Variants in ZNF662 observed in about 807,000 individuals in gnomAD.
ZNF662 encodes zinc finger protein 662.
A neutral mutation model predicts 12.4 loss-of-function variants in ZNF662; 14 were observed. The ratio of observed to expected loss-of-function variants is 1.13; its 90% CI spans 0.75 to 1.77. The LOEUF (loss-of-function observed/expected upper bound fraction) is 1.77, where lower values mean the gene tolerates loss of function less well. Among genes scored for constraint, ZNF662 ranks in the 40% most tolerant of loss-of-function variants. The probability of loss-of-function intolerance (pLI) is 0.00; values close to 1 mark genes in which losing one functional copy is unlikely to be tolerated. For missense variants in ZNF662, 550 were observed against 515.6 expected, an observed-to-expected ratio of 1.07 and a Z score of -0.65; for synonymous variants, 184 against 176.4, an observed-to-expected ratio of 1.04 and a Z score of -0.34.
chr3:42,913,725 T>C (rs1484189100), intron 4 of ZNF662, among the ~76,000 whole-genome samples: 1 of 152,192 alleles, frequency 6.6e-6, no homozygotes, highest in Non-Finnish European at 1.5e-5. Context: ...ATGATGAAAC[T>C]GTAACAGAAT....
chr3:42,906,244 C>T lies in ZNF662; in HGVS notation c.-94+76C>T. ...GTCTTACTCCGGTGGCTGCAGGGCGCAGGGTAGCCGTGTCAGGCCTGCCCA... is the reference window on the plus strand; with the variant it reads ...GTCTTACTCCGGTGGCTGCAGGGCGTAGGGTAGCCGTGTCAGGCCTGCCCA... On this transcript the variant is annotated intron_variant, in intron 1 of 4. Coordinates refer to ENST00000440367, the MANE Select transcript of ZNF662 (RefSeq NM_207404.4). The surrounding 1 kb of genome is among the most constrained non-coding windows in gnomAD (Gnocchi z 4.4). The T allele has an allele frequency of 9.8e-7, 1 of 1,015,878 alleles. No homozygotes were observed. 62.9% of individuals were successfully genotyped at this position (1,015,878 alleles called of 1,614,324 possible).
At chr3:42,907,260 C>A (rs1232328001) in intron 1 of ZNF662, among the ~76,000 whole-genome samples, 1 of 152,104 alleles carries the variant, frequency 6.6e-6, no homozygotes, top group Non-Finnish European at 1.5e-5. Flanking sequence ...CGTGGGTAAG[C>A]AAGTGAGGTG....
At chr3:42,910,024 C>T (rs931009733) in intron 3 of ZNF662, among the ~76,000 whole-genome samples, 11 of 152,168 alleles carry the variant, frequency 7.2e-5, no homozygotes, top group African/African-American at 1.7e-4. Flanking sequence ...GAGGTTGTAG[C>T]GAGCCGAGAT....
intron 1 of ZNF662, 23 bp from the exon 2 acceptor site, chr3:42,907,999 C>T: frequency 6.2e-7 from 1 of 1,613,788 alleles, no homozygotes; most frequent in Non-Finnish European, 8.5e-7. Context: ...TGTCCTAGGG[C>T]ATTTAAACAC....
chr3:42,912,484 T>A, intron 3 of ZNF662, among the ~76,000 whole-genome samples: 1 of 37,778 alleles, frequency 2.6e-5, no homozygotes, highest in Non-Finnish European at 4.7e-5. Flanking sequence ...TTTTATATAT[T>A]TAATATATAT....
chr3:42,912,651 TAA>T (rs1214009158), intron 3 of ZNF662, among the ~76,000 whole-genome samples: 29 of 75,680 alleles, frequency 3.8e-4, no homozygotes, highest in African/African-American at 1.6e-3. Flanking sequence ...TATATATATA[TAA>T]ATATATATAT....
Position 42,906,441 on chromosome 3 carries a change from G to A in ZNF662, c.-94+273G>A. On this transcript the variant is annotated intron_variant, in intron 1 of 4. Transcript: ENST00000440367. This position sits in a 1 kb window ranked among gnomAD's most constrained non-coding sequence, Gnocchi z 4.4. ...AGCCCGCGCTGCCCCGGGCGCGCCG[G>A]GTGAGTGCGGGGCCGGAGCCTGGAA... 3 of 1,456,646 alleles carry A rather than the reference G, an allele frequency of 2.1e-6. No homozygotes were observed. Among genetic ancestry groups the A allele is most frequent in the Non-Finnish European group, 2.7e-6 (3 of 1,109,710 alleles). The allele number at this position is 1,456,646 out of a possible 1,614,324, so 90.2% of individuals were successfully genotyped here.
chr3:42,908,289 C>T (rs1243339272), intron 2 of ZNF662, 141 bp downstream of exon 2: 1 of 1,429,838 alleles, frequency 7.0e-7, no homozygotes. Flanking sequence ...CTAACCTCAG[C>T]AGCCGTTGGA....
At chr3:42,912,053 C>T (rs2088798175) in intron 3 of ZNF662, 2 of 150,944 alleles carry the variant, frequency 1.3e-5, no homozygotes, top group African/African-American at 4.9e-5. Context: ...TTTTCTATTT[C>T]TTCTTGACGT....
intron 3 of ZNF662, 85 bp from the exon 4 acceptor site, chr3:42,913,116 C>T: frequency 1.1e-6 from 1 of 922,922 alleles, no homozygotes; most frequent in Non-Finnish European, 1.8e-6. Context: ...TTTATTCTCT[C>T]CCTACCACTT....
In ZNF662 at chr3:42,907,944, C is replaced by G. The variant is rs1407743635; in HGVS notation, c.-93-78C>G. Reference sequence around the variant, plus strand: ...ATCCCCACAGGCACCCCCACAGTACCTTTTGATGCCCTGTCTCCCCTTCCT... The same window carrying G: ...ATCCCCACAGGCACCCCCACAGTACGTTTTGATGCCCTGTCTCCCCTTCCT... On this transcript the variant is annotated intron_variant, in intron 1 of 4. Coordinates refer to ENST00000440367, the MANE Select transcript of ZNF662 (RefSeq NM_207404.4). 2.6e-6 allele frequency: 4 copies of G among 1,561,720 alleles called. 1 individual carries two copies. Among genetic ancestry groups the G allele is most frequent in the South Asian group, 2.4e-5 (2 of 83,296 alleles).
At chr3:42,911,379 G>A (rs1018665025) in intron 3 of ZNF662, among the ~76,000 whole-genome samples, 1 of 152,164 alleles carries the variant, frequency 6.6e-6, no homozygotes, top group African/African-American at 2.4e-5. Flanking sequence ...GGGGAGTAGT[G>A]GAAGGGGTAT....
chr3:42,911,460 CT>C (rs1390364762), intron 3 of ZNF662, among the ~76,000 whole-genome samples: 2 of 152,190 alleles, frequency 1.3e-5, no homozygotes, highest in African/African-American at 2.4e-5. Context: ...AATTTCTCAT[CT>C]TTGCTTTTCT....
Position 42,910,102 on chromosome 3 carries a change from G to T in ZNF662, c.151+1193G>T, listed in dbSNP as rs572061188. Among the ~76,000 whole-genome samples the T allele has an allele frequency of 2.4e-3, 369 of 152,304 alleles. 1 individual carries two copies. The highest frequency in any genetic ancestry group is 8.4e-3 in the African/African-American group (351 of 41,574). On this transcript the variant is annotated intron_variant, in intron 3 of 4. Transcript: ENST00000440367. Reference sequence around the variant, plus strand: ...GATCGAGACTCTGTCTGCAATCCTGGCACCTCGGGAGGCCAAGGCTGGCAG... The same window carrying T: ...GATCGAGACTCTGTCTGCAATCCTGTCACCTCGGGAGGCCAAGGCTGGCAG...
At position 42,906,499 on chromosome 3, in the gene ZNF662, G is replaced by A. The variant is rs923296294; in HGVS notation, c.-94+331G>A. On this transcript the variant is annotated intron_variant, in intron 1 of 4. Coordinates refer to ENST00000440367, the MANE Select transcript of ZNF662 (RefSeq NM_207404.4). The surrounding 1 kb of genome is among the most constrained non-coding windows in gnomAD (Gnocchi z 4.4). The stretch of plus-strand genomic sequence containing the variant: ...TGGCCCTGCCCTGGGTTCTAGGCCC[G>A]GAGACGGGGTGGTGCGGCGGCTGGG... 3 of 1,353,904 alleles carry A rather than the reference G, an allele frequency of 2.2e-6. No individual in the cohort carries two copies. The highest frequency in any genetic ancestry group is 2.9e-6 in the Non-Finnish European group (3 of 1,045,360). 83.9% of individuals were successfully genotyped at this position (1,353,904 alleles called of 1,614,324 possible). A position where few individuals can be genotyped will look rare whatever the true frequency, so the allele number is the denominator to read the frequency against.
chr3:42,915,430 A>G lies in ZNF662; in HGVS notation c.*76A>G, dbSNP rs1365555848. 7.2e-7 allele frequency: 1 copy of G among 1,397,298 alleles called. No homozygotes were observed. Among genetic ancestry groups the G allele is most frequent in the Non-Finnish European group, 9.7e-7 (1 of 1,031,610 alleles). The allele number at this position is 1,397,298 out of a possible 1,614,324, so 86.6% of individuals were successfully genotyped here. On this transcript the variant is annotated 3_prime_UTR_variant, in exon 5 of 5. Coordinates refer to ENST00000440367, the MANE Select transcript of ZNF662 (RefSeq NM_207404.4). ...TAGAGACAAAATGAGATGACCATTC[A>G]CAATTTGCTGTAACCCTTAACTTAA...
chr3:42,910,205 A>C (rs1575410487), intron 3 of ZNF662, among the ~76,000 whole-genome samples: 2 of 152,050 alleles, frequency 1.3e-5, no homozygotes, highest in South Asian at 4.2e-4. Context: ...TACGAAAACC[A>C]GTCAGGCGTG....
chr3:42,909,943 G>C (rs2088756878), intron 3 of ZNF662, among the ~76,000 whole-genome samples: 1 of 152,084 alleles, frequency 6.6e-6, no homozygotes, highest in African/African-American at 2.4e-5. Context: ...TCACTTCCTA[G>C]ACGGGGTGGC....
At chr3:42,912,404 TTATATATTA>T (rs1559381247) in intron 3 of ZNF662, among the ~76,000 whole-genome samples, 1 of 98,888 alleles carries the variant, frequency 1.0e-5, no homozygotes, top group Admixed American at 1.7e-4. Context: ...TATTTATATA[TTATATATTA>T]TATATATTAA....
Sources: gnomAD v4.1 joint callset for allele counts (sites outside exome capture counted in the v4.1 genomes callset) on GRCh38, gnomAD v4.1.1 for gene constraint, Gnocchi (gnomAD v3.1) non-coding constraint, MANE v1.5 for transcripts, NCBI Gene and HGNC (gene_info 2026-07-23, HGNC 2026-07-21) for gene names.